The following MICU1 variants were observed in gnomAD, a reference collection of about 807,000 sequenced individuals.
MICU1 encodes the protein calcium uptake protein 1, mitochondrial.
In MICU1, 45 loss-of-function variants were observed where a neutral mutation model predicts 56.8. The observed-to-expected ratio is 0.79, with a 90% confidence interval of 0.62 to 1.02. The LOEUF is 1.02. Ranked by LOEUF, MICU1 falls within the 50% of genes least tolerant of loss-of-function variation. MICU1 has a pLI of 0.00. For synonymous variants in MICU1, 186 were observed against 195.1 expected (o/e 0.95, Z 0.39); for missense variants, 504 against 587.1 (o/e 0.86, Z 1.46).
At chr10:72,466,841 C>CT (rs1423431127) in intron 8 of MICU1, among the ~76,000 whole-genome samples, 1 of 152,172 alleles carries the variant, frequency 6.6e-6, no homozygotes, top group East Asian at 1.9e-4. Context: ...TACCTTAGCA[C>CT]TTTAAAAAGA....
intron 6 of MICU1, among the ~76,000 whole-genome samples, chr10:72,505,853 A>G (rs1244684192): frequency 1.3e-5 from 2 of 152,132 alleles, no homozygotes; most frequent in South Asian, 2.1e-4. Flanking sequence ...AAACCTACCT[A>G]TTGGGTACTA....
At chr10:72,524,628 G>C (rs186036582) in intron 5 of MICU1, 1 of 675,806 alleles carries the variant, frequency 1.5e-6, no homozygotes, top group African/African-American at 1.9e-5. Flanking sequence ...ATTCTGAAGG[G>C]AGCAGGGCAA....
In MICU1 at chr10:72,499,486, C is replaced by T. The variant is rs541768061; in HGVS notation, c.652+8669G>A. Among the ~76,000 whole-genome samples, 417 of 152,276 alleles carry T rather than the reference C, an allele frequency of 2.7e-3. 1 individual carries two copies. The highest frequency in any genetic ancestry group is 9.6e-3 in the African/African-American group (398 of 41,540). On this transcript the variant is annotated intron_variant, in intron 6 of 11. Coordinates refer to ENST00000361114, the MANE Select transcript of MICU1 (RefSeq NM_001195518.2). ...TATTGGTAAATAACACATTGTGATA[C>T]TTTTGGCCTTACAATATGCAAATGA...
At chr10:72,382,958 G>T (rs2132050693) in intron 10 of MICU1, among the ~76,000 whole-genome samples, 1 of 152,290 alleles carries the variant, frequency 6.6e-6, no homozygotes, top group Admixed American at 6.5e-5. Context: ...CATTCTGTTA[G>T]CTTTATTTTA....
chr10:72,423,200 G>C, intron 9 of MICU1, 34 bp downstream of exon 9: 1 of 1,601,682 alleles, frequency 6.2e-7, no homozygotes, highest in Non-Finnish European at 8.5e-7. Context: ...ACATTACCAC[G>C]GTTTCTCTTC....
chr10:72,601,445 A>G (rs1168028936), intron 1 of MICU1, among the ~76,000 whole-genome samples: 4 of 151,254 alleles, frequency 2.6e-5, no homozygotes, highest in Admixed American at 2.6e-4. Context: ...AAAAAAAAAA[A>G]AAAGGAAAGA....
chr10:72,416,136 G>A (rs1361777388), intron 9 of MICU1, among the ~76,000 whole-genome samples: 2 of 152,144 alleles, frequency 1.3e-5, no homozygotes, highest in African/African-American at 4.8e-5. Flanking sequence ...TCTGGAATGT[G>A]TAGGATCTTG....
chr10:72,524,650 T>C (rs1270192631), intron 5 of MICU1: 2 of 916,622 alleles, frequency 2.2e-6, no homozygotes, highest in Non-Finnish European at 2.9e-6. Context: ...GACATATGCA[T>C]CATGCGCTGA....
intron 8 of MICU1, among the ~76,000 whole-genome samples, chr10:72,450,006 A>G (rs1564876380): frequency 6.6e-6 from 1 of 152,208 alleles, no homozygotes; most frequent in Non-Finnish European, 1.5e-5. Flanking sequence ...TACTAATTCA[A>G]CACTATTTCC....
intron 3 of MICU1, among the ~76,000 whole-genome samples, chr10:72,559,908 T>C (rs1010842925): frequency 1.3e-5 from 2 of 152,120 alleles, no homozygotes; most frequent in Non-Finnish European, 2.9e-5. Flanking sequence ...ATGAACCCGA[T>C]TGTGAACTGC....
intron 11 of MICU1, among the ~76,000 whole-genome samples, chr10:72,369,423 G>A (rs1269918353): frequency 1.3e-5 from 2 of 152,128 alleles, no homozygotes; most frequent in Non-Finnish European, 2.9e-5. Flanking sequence ...CTGGAAGCAG[G>A]GGAGTAAGAA....
chr10:72,423,357 G>T lies in MICU1; in HGVS notation c.948C>A (p.Asp316Glu). The T allele has an allele frequency of 6.2e-7, 1 of 1,613,748 alleles. No individual in the cohort carries two copies. The change falls in exon 9 of 12, where the codon GAC (aspartate) becomes GAA (glutamate). Residue 316 changes from aspartate to glutamate, a missense_variant. Transcript: ENST00000361114. Reference protein sequence around the residue: ...DVLKLEFERHDPVDGRITERQ... With the variant: ...DVLKLEFERHEPVDGRITERQ... ...TCTCAGTAATTCTCCCATCCACAGG[G>T]TCATGGCGTTCAAACTGGGAGGGAA...
chr10:72,436,079 G>A (rs1864706618), intron 8 of MICU1, among the ~76,000 whole-genome samples: 1 of 152,268 alleles, frequency 6.6e-6, no homozygotes, highest in Admixed American at 6.5e-5. Context: ...TGGACAGAAT[G>A]CCTCTTCAAG....
intron 8 of MICU1, among the ~76,000 whole-genome samples, chr10:72,444,603 C>T (rs1214630105): frequency 6.6e-6 from 1 of 152,008 alleles, no homozygotes; most frequent in Non-Finnish European, 1.5e-5. Flanking sequence ...GCGTGCACCA[C>T]CACACCTGGC....
intron 6 of MICU1, among the ~76,000 whole-genome samples, chr10:72,507,265 A>G (rs972588065): frequency 2.0e-5 from 3 of 152,324 alleles, no homozygotes; most frequent in East Asian, 1.9e-4. Flanking sequence ...AGCTATGAAC[A>G]TAACATTTTG....
chr10:72,446,009 T>C (rs1447844340), intron 8 of MICU1, among the ~76,000 whole-genome samples: 2 of 152,152 alleles, frequency 1.3e-5, no homozygotes, highest in Non-Finnish European at 2.9e-5. Context: ...AAAATTGCTA[T>C]TGGCTAAGGA....
intron 1 of MICU1, among the ~76,000 whole-genome samples, chr10:72,605,986 C>T (rs1479010163): frequency 6.6e-6 from 1 of 151,604 alleles, no homozygotes. Context: ...AAAAAATTGG[C>T]TGGGCGTGGT....
chr10:72,507,433 A>C (rs1276818521), intron 6 of MICU1, among the ~76,000 whole-genome samples: 1 of 152,232 alleles, frequency 6.6e-6, no homozygotes, highest in Middle Eastern at 3.2e-3. Context: ...TTGTGTCTTC[A>C]GAAGTATTCC....
chr10:72,578,503 G>C (rs540799259), intron 1 of MICU1, among the ~76,000 whole-genome samples: 9 of 148,560 alleles, frequency 6.1e-5, no homozygotes, highest in African/African-American at 1.2e-4. Flanking sequence ...GACCTCAGTT[G>C]ATCTGCCTGC....
Sources: allele counts gnomAD v4.1 joint callset (sites outside exome capture counted in the v4.1 genomes callset), GRCh38; gene constraint gnomAD v4.1.1; transcripts MANE v1.5; gene names NCBI Gene and HGNC (gene_info 2026-07-23, HGNC 2026-07-21).